Variants in SMARCC1 observed in about 807,000 individuals in gnomAD.
The protein encoded by SMARCC1 is SWI/SNF complex subunit SMARCC1.
Under a neutral mutation model 147.4 loss-of-function variants are expected in SMARCC1, and 43 were observed. That is an observed-to-expected ratio of 0.29 (90% CI 0.23 to 0.38). The LOEUF is 0.38. Among genes scored for constraint, SMARCC1 ranks in the 10% least tolerant of loss-of-function variants. SMARCC1 has a pLI of 1.00. For synonymous variants in SMARCC1, 495 were observed against 484.4 expected, an observed-to-expected ratio of 1.02 and a Z score of -0.29; for missense variants, 1,119 against 1,381.1, an observed-to-expected ratio of 0.81 and a Z score of 3.01.
chr3:47,683,807 A>ATTT (rs1337641778), intron 14 of SMARCC1, among the ~76,000 whole-genome samples: 4 of 152,206 alleles, frequency 2.6e-5, no homozygotes, highest in Non-Finnish European at 4.4e-5. Context: ...AGGTACCTTA[A>ATTT]AGATGCTAAC....
chr3:47,726,967 T>C (rs971952650), intron 6 of SMARCC1, among the ~76,000 whole-genome samples: 2 of 152,150 alleles, frequency 1.3e-5, no homozygotes, highest in Non-Finnish European at 2.9e-5. Flanking sequence ...ACCAGCACTT[T>C]GGGAGGCTGA....
intron 11 of SMARCC1, among the ~76,000 whole-genome samples, chr3:47,695,788 G>A (rs2106780544): frequency 6.9e-6 from 1 of 144,390 alleles, no homozygotes; most frequent in South Asian, 2.2e-4. Context: ...AAAAAAGTTG[G>A]ACGCAGTGTG....
intron 2 of SMARCC1, among the ~76,000 whole-genome samples, chr3:47,765,796 G>C (rs2034833074): frequency 6.6e-6 from 1 of 151,004 alleles, no homozygotes; most frequent in South Asian, 2.1e-4. Flanking sequence ...ACAGTGGCAT[G>C]ATCTTGGCTC....
intron 24 of SMARCC1, among the ~76,000 whole-genome samples, chr3:47,627,619 G>A (rs770124867): frequency 3.9e-5 from 6 of 152,154 alleles, no homozygotes; most frequent in Non-Finnish European, 8.8e-5. Flanking sequence ...TAAAGAGCTC[G>A]AGGTGCGGCT....
At chr3:47,633,775 T>TACACACACAC (rs778383062) in intron 24 of SMARCC1, among the ~76,000 whole-genome samples, 1 of 18,632 alleles carries the variant, frequency 5.4e-5, no homozygotes, top group African/African-American at 9.5e-5. Flanking sequence ...TATATATATA[T>TACACACACAC]ATATACACAC....
chr3:47,602,813 A>G (rs2106657444), intron 26 of SMARCC1, among the ~76,000 whole-genome samples: 1 of 152,336 alleles, frequency 6.6e-6, no homozygotes, highest in South Asian at 2.1e-4. Flanking sequence ...CTGACTTAAG[A>G]TCCATGAGGC....
intron 1 of SMARCC1, among the ~76,000 whole-genome samples, chr3:47,781,377 T>A (rs1030484979): frequency 6.6e-6 from 1 of 152,188 alleles, no homozygotes; most frequent in Non-Finnish European, 1.5e-5. Context: ...GAGCAGGGGC[T>A]TTCACCATGG....
At chr3:47,635,938 A>T in intron 23 of SMARCC1, 84 bp downstream of exon 23, 1 of 702,638 alleles carries the variant, frequency 1.4e-6, no homozygotes, top group Non-Finnish European at 2.4e-6. Flanking sequence ...TAAATGAGGA[A>T]ATATTTCTAT....
At chr3:47,726,904 G>A (rs759035598) in intron 6 of SMARCC1, among the ~76,000 whole-genome samples, 1 of 151,468 alleles carries the variant, frequency 6.6e-6, no homozygotes, top group Non-Finnish European at 1.5e-5. Context: ...TTTTTTCAAG[G>A]CTGAATAATA....
chr3:47,726,672 T>C (rs1234526791), intron 6 of SMARCC1, among the ~76,000 whole-genome samples: 1 of 152,190 alleles, frequency 6.6e-6, no homozygotes, highest in Non-Finnish European at 1.5e-5. Context: ...TTCTAGCACA[T>C]GCTGTAACAT....
At chr3:47,688,985 A>G (rs1380900976) in intron 13 of SMARCC1, among the ~76,000 whole-genome samples, 1 of 152,060 alleles carries the variant, frequency 6.6e-6, no homozygotes, top group African/African-American at 2.4e-5. Context: ...TGAGGCAGAC[A>G]GATTGCTTGA....
At chr3:47,773,026 G>A (rs1048484708) in intron 1 of SMARCC1, 90 bp from the exon 2 acceptor site, 57 of 1,164,074 alleles carry the variant, frequency 4.9e-5, no homozygotes, top group African/African-American at 1.9e-4. Context: ...AAGTACTTAC[G>A]TTATGGGAAA....
chr3:47,693,585 TA>T (rs1418768649), intron 11 of SMARCC1, among the ~76,000 whole-genome samples: 2 of 152,238 alleles, frequency 1.3e-5, no homozygotes, highest in African/African-American at 4.8e-5. Flanking sequence ...TTTTTTTTAT[TA>T]AAGTTTATGA....
intron 24 of SMARCC1, among the ~76,000 whole-genome samples, chr3:47,628,597 A>G (rs1576392169): frequency 6.6e-6 from 1 of 152,166 alleles, no homozygotes; most frequent in African/African-American, 2.4e-5. Flanking sequence ...TTCTTGAGAC[A>G]GAGTTTCACT....
chr3:47,695,189 T>C (rs961103296), intron 11 of SMARCC1, among the ~76,000 whole-genome samples: 10 of 152,134 alleles, frequency 6.6e-5, no homozygotes, highest in Non-Finnish European at 8.8e-5. Context: ...CCCTTATAAC[T>C]GGGTGTAGTG....
intron 5 of SMARCC1, among the ~76,000 whole-genome samples, chr3:47,731,469 A>G (rs2034373843): frequency 6.6e-6 from 1 of 152,246 alleles, no homozygotes; most frequent in Non-Finnish European, 1.5e-5. Context: ...ATGTGTTCTT[A>G]GTGGCATCTA....
chr3:47,777,911 G>A (rs896585435), intron 1 of SMARCC1, among the ~76,000 whole-genome samples: 9 of 151,474 alleles, frequency 5.9e-5, no homozygotes, highest in South Asian at 4.2e-4. Flanking sequence ...TACCAAACAT[G>A]AAAATGCATG....
At chr3:47,721,882 T>C (rs2034236890) in intron 6 of SMARCC1, among the ~76,000 whole-genome samples, 1 of 152,074 alleles carries the variant, frequency 6.6e-6, no homozygotes, top group Non-Finnish European at 1.5e-5. Context: ...TAGCTAGGCA[T>C]GGTGGTGTGC....
intron 13 of SMARCC1, 144 bp from the exon 14 acceptor site, chr3:47,686,314 A>C: frequency 1.5e-6 from 1 of 654,876 alleles, no homozygotes; most frequent in South Asian, 2.1e-5. Flanking sequence ...TTCAAGTAAA[A>C]ACAACCTTTC....
Sources: gnomAD v4.1 joint callset for allele counts (sites outside exome capture counted in the v4.1 genomes callset) on GRCh38, gnomAD v4.1.1 for gene constraint, MANE v1.5 for transcripts, NCBI Gene and HGNC (gene_info 2026-07-23, HGNC 2026-07-21) for gene names.